The following FRMD5 variants were observed in gnomAD, a reference collection of about 807,000 sequenced individuals.
FRMD5 encodes FERM domain containing 5, also known as FERM domain-containing protein 5.
In FRMD5, 20 loss-of-function variants were observed where a neutral mutation model predicts 69.0. That is an observed-to-expected ratio of 0.29 (90% CI 0.20 to 0.42). The LOEUF is 0.42. Ranked by LOEUF, FRMD5 falls within the 10% of genes least tolerant of loss-of-function variation. FRMD5 has a pLI of 1.00. For synonymous variants in FRMD5, 271 were observed against 260.1 expected (o/e 1.04, Z -0.40); for missense variants, 595 against 708.6 (o/e 0.84, Z 1.82).
At chr15:44,003,097 C>T (rs1438671948) in intron 1 of FRMD5, among the ~76,000 whole-genome samples, 1 of 152,176 alleles carries the variant, frequency 6.6e-6, no homozygotes, top group East Asian at 1.9e-4. Context: ...CTTCTAGTTG[C>T]TCAGATAAAA....
rs555307051 is a variant in FRMD5, at chr15:44,033,642, G to A, written c.103-109333C>T. 1.4e-4 allele frequency among the ~76,000 whole-genome samples: 22 copies of A among 152,020 alleles called. No homozygotes were observed. In the East Asian group the frequency reaches 1.9e-3, roughly 13 times the overall value. ...CACCAGTAAACAATTCTAATATTTC[G>A]AAAATGGTTTTAGTTCTGAGCTAAT... On this transcript the variant is annotated intron_variant, in intron 1 of 13. Transcript: ENST00000417257.
chr15:44,197,057 C>G (rs565113057), upstream of FRMD5, among the ~76,000 whole-genome samples: 5 of 152,102 alleles, frequency 3.3e-5, no homozygotes, highest in East Asian at 9.7e-4. Flanking sequence ...AAAAATTAGC[C>G]GGGTGTGGTG....
chr15:43,964,338 T>C (rs1046756106), intron 1 of FRMD5, among the ~76,000 whole-genome samples: 5 of 151,960 alleles, frequency 3.3e-5, no homozygotes, highest in Non-Finnish European at 5.9e-5. Context: ...CTTTTTTTCT[T>C]TTTTCAAGCA....
chr15:43,974,353 T>C (rs1007262527), intron 1 of FRMD5, among the ~76,000 whole-genome samples: 6 of 152,322 alleles, frequency 3.9e-5, no homozygotes, highest in Admixed American at 2.0e-4. Context: ...TTTTAGTGTC[T>C]TTCCCTTTTT....
At chr15:44,182,308 G>C (rs1461807802) in intron 1 of FRMD5, among the ~76,000 whole-genome samples, 1 of 141,690 alleles carries the variant, frequency 7.1e-6, no homozygotes, top group Non-Finnish European at 1.5e-5. Flanking sequence ...ACCACACCTG[G>C]CCCTACATTG....
At chr15:43,947,816 C>T (rs988301242) in intron 1 of FRMD5, among the ~76,000 whole-genome samples, 4 of 152,234 alleles carry the variant, frequency 2.6e-5, no homozygotes, top group African/African-American at 9.6e-5. Context: ...TAACTGATAA[C>T]TCAAACCCTA....
intron 7 of FRMD5, among the ~76,000 whole-genome samples, chr15:43,898,068 T>C (rs2088957744): frequency 1.3e-5 from 2 of 152,250 alleles, no homozygotes; most frequent in Admixed American, 6.5e-5. Flanking sequence ...TAGTTCTTTA[T>C]AGCAGTGTGA....
chr15:44,121,362 T>G (rs1003429291), intron 1 of FRMD5, among the ~76,000 whole-genome samples: 2 of 151,780 alleles, frequency 1.3e-5, no homozygotes, highest in African/African-American at 4.8e-5. Flanking sequence ...TCAAGGAGAT[T>G]GGCTATGGAA....
In FRMD5 at chr15:44,098,538, A is replaced by AAAG. The variant is rs1555403688; in HGVS notation, c.102+96414_102+96415insCTT. ...GACTCTGTCTCAAAAAAAAAAAAAAAAGAGAGAGAGAGACATAAGCAGAAA... is the reference window on the plus strand; with the variant it reads ...GACTCTGTCTCAAAAAAAAAAAAAAAAAGAGAGAGAGAGAGACATAAGCAGAAA... On this transcript the variant is annotated intron_variant, in intron 1 of 13. Transcript: ENST00000417257. Among the ~76,000 whole-genome samples, 752 of 145,476 alleles carry AAAG rather than the reference A, an allele frequency of 5.2e-3. 4 individuals carry two copies. Among genetic ancestry groups the AAAG allele is most frequent in the Admixed American group, 8.1e-3 (115 of 14,264 alleles).
At chr15:44,004,262 T>C (rs1297952624) in intron 1 of FRMD5, among the ~76,000 whole-genome samples, 12 of 152,166 alleles carry the variant, frequency 7.9e-5, no homozygotes, top group Admixed American at 7.2e-4. Context: ...ATAGTTTTTA[T>C]TTAACATGTA....
At chr15:44,166,532 C>T (rs1399366009) in intron 1 of FRMD5, among the ~76,000 whole-genome samples, 1 of 151,844 alleles carries the variant, frequency 6.6e-6, no homozygotes, top group Admixed American at 6.6e-5. Flanking sequence ...TGCCTGTAAC[C>T]CTAGCAATTT....
chr15:44,087,258 A>G (rs1436054178), intron 1 of FRMD5, among the ~76,000 whole-genome samples: 1 of 152,090 alleles, frequency 6.6e-6, no homozygotes, highest in Non-Finnish European at 1.5e-5. Context: ...GACTTCAGGT[A>G]ATCCACCCCG....
chr15:44,121,922 G>A (rs2076956839), intron 1 of FRMD5, among the ~76,000 whole-genome samples: 1 of 150,154 alleles, frequency 6.7e-6, no homozygotes, highest in Non-Finnish European at 1.5e-5. Flanking sequence ...TTGAACCTGA[G>A]GGGTGGAGGT....
At chr15:44,156,310 A>G (rs927813217) in intron 1 of FRMD5, among the ~76,000 whole-genome samples, 1 of 151,776 alleles carries the variant, frequency 6.6e-6, no homozygotes, top group African/African-American at 2.4e-5. Flanking sequence ...CGCCCAACCA[A>G]CTGTTGTATT....
At chr15:43,937,404 T>G (rs988896480) in intron 1 of FRMD5, among the ~76,000 whole-genome samples, 2 of 151,958 alleles carry the variant, frequency 1.3e-5, no homozygotes, top group African/African-American at 4.8e-5. Context: ...TCCCAGCACT[T>G]TGGGAGGTGG....
chr15:44,182,944 T>C (rs944102005), intron 1 of FRMD5, among the ~76,000 whole-genome samples: 19 of 150,710 alleles, frequency 1.3e-4, no homozygotes, highest in Admixed American at 4.6e-4. Flanking sequence ...TACAGGCGCC[T>C]GCCACCACGC....
chr15:43,961,959 A>G (rs1029393702), intron 1 of FRMD5, among the ~76,000 whole-genome samples: 40 of 152,288 alleles, frequency 2.6e-4, no homozygotes, highest in Non-Finnish European at 4.3e-4. Context: ...TACTGAATGG[A>G]CAAAAACTGG....
At chr15:44,039,112 T>C (rs552673774) in intron 1 of FRMD5, among the ~76,000 whole-genome samples, 11 of 152,338 alleles carry the variant, frequency 7.2e-5, no homozygotes, top group Non-Finnish European at 1.3e-4. Flanking sequence ...TCAGCAAGGC[T>C]GCTGTGGCCA....
chr15:44,194,633 G>T (rs542171321), intron 1 of FRMD5: 2 of 401,388 alleles, frequency 5.0e-6, no homozygotes, highest in South Asian at 4.9e-5. Context: ...CCCTCCGGGC[G>T]CCCCGGAAAG....
Sources: gnomAD v4.1 joint callset for allele counts (sites outside exome capture counted in the v4.1 genomes callset) on GRCh38, gnomAD v4.1.1 for gene constraint, MANE v1.5 for transcripts, NCBI Gene and HGNC (gene_info 2026-07-23, HGNC 2026-07-21) for gene names.